BUB3: variants seen among roughly 807,000 people sequenced by gnomAD.
BUB3 encodes the protein BUB3 mitotic checkpoint protein.
BUB3 carries 22 observed loss-of-function variants against 39.9 expected under a neutral mutation model. That is an observed-to-expected ratio of 0.55 (90% confidence interval 0.39 to 0.79). The LOEUF (loss-of-function observed/expected upper bound fraction) is 0.79. Among genes scored for constraint, BUB3 ranks in the 30% least tolerant of loss-of-function variants. BUB3 has a pLI of 0.00. For synonymous variants in BUB3, 168 were observed against 155.1 expected (o/e 1.08, Z -0.62); for missense variants, 303 against 415.4 (o/e 0.73, Z 2.35).
In BUB3 at chr10:123,163,888, T is replaced by C; in HGVS notation, c.*53T>C. The C allele has an allele frequency of 6.5e-7, 1 of 1,545,724 alleles. No homozygotes were observed. The highest frequency in any genetic ancestry group is 8.8e-7 in the Non-Finnish European group (1 of 1,133,990). ...TTGATGATAATAAAACAATTCGTACTCCCCAATGGTGGATTTATTACTATT... is the reference window on the plus strand; with the variant it reads ...TTGATGATAATAAAACAATTCGTACCCCCCAATGGTGGATTTATTACTATT... On this transcript the variant is annotated 3_prime_UTR_variant, in exon 8 of 8. Coordinates refer to ENST00000368865, the MANE Select transcript of BUB3 (RefSeq NM_004725.4).
chr10:123,163,925 G>A lies in BUB3; in HGVS notation c.*90G>A. On this transcript the variant is annotated 3_prime_UTR_variant, in exon 8 of 8. Transcript: ENST00000368865. ...GATTTATTACTATTAAAGAAACCAGGGAAAATATTAATTTTAATATTATAA... is the reference window on the plus strand; with the variant it reads ...GATTTATTACTATTAAAGAAACCAGAGAAAATATTAATTTTAATATTATAA... 11 of 1,374,228 alleles carry A rather than the reference G, an allele frequency of 8.0e-6. No homozygotes were observed. Among genetic ancestry groups the A allele is most frequent in the South Asian group, 3.4e-5 (2 of 59,252 alleles). 85.1% of individuals were successfully genotyped at this position (1,374,228 alleles called of 1,614,324 possible).
At position 123,164,409 on chromosome 10, in the gene BUB3, T is replaced by A. The variant is rs1788517375; in HGVS notation, c.*574T>A. 13 of 985,668 alleles carry A rather than the reference T, an allele frequency of 1.3e-5. No homozygotes were observed. The highest frequency in any genetic ancestry group is 4.7e-5 in the South Asian group (1 of 21,298). The allele number at this position is 985,668 out of a possible 1,614,324, so 61.1% of individuals were successfully genotyped here. ...TTAGACTCTTGGGAATCAGCTAGTT[T>A]TCAATCTTATTAGGGTGCAGAAGGA... On this transcript the variant is annotated 3_prime_UTR_variant, in exon 8 of 8. Coordinates refer to ENST00000368865, the MANE Select transcript of BUB3 (RefSeq NM_004725.4).
chr10:123,158,590 T>G (rs1353367900), intron 4 of BUB3, among the ~76,000 whole-genome samples: 1 of 152,244 alleles, frequency 6.6e-6, no homozygotes, highest in Non-Finnish European at 1.5e-5. Flanking sequence ...TTCCTCAGCG[T>G]GAATATACTA....
At position 123,167,159 on chromosome 10, in the gene BUB3, C is replaced by T. The variant is rs1844503009; in HGVS notation, c.*3324C>T. The T allele has an allele frequency of 6.6e-6, 1 of 152,164 alleles. No homozygotes were observed. Among genetic ancestry groups the T allele is most frequent in the South Asian group, 2.1e-4 (1 of 4,832 alleles). 9.4% of individuals were successfully genotyped at this position (152,164 alleles called of 1,614,324 possible). A position where few individuals can be genotyped will look rare whatever the true frequency, so the allele number is the denominator to read the frequency against. On this transcript the variant is annotated 3_prime_UTR_variant, in exon 8 of 8. Transcript: ENST00000368865. ...GTTCCCACAATCATTTTACCTTTTA[C>T]CACTCCCCCAGAAAACACTGGGGTT...
At chr10:123,162,551 G>A (rs2133570440) in intron 6 of BUB3, 61 bp from the exon 7 acceptor site, 1 of 1,563,238 alleles carries the variant, frequency 6.4e-7, no homozygotes, top group South Asian at 1.2e-5. Flanking sequence ...ACTGTTAAGA[G>A]AATGGTTATT....
chr10:123,158,006 CAGTT>C (rs1844371845), intron 4 of BUB3, 126 bp downstream of exon 4: 7 of 1,077,420 alleles, frequency 6.5e-6, no homozygotes, highest in Admixed American at 3.4e-5. Context: ...AAAAGGTTGA[CAGTT>C]GGTTTTATAA....
In BUB3 at chr10:123,163,833, T is replaced by G; in HGVS notation, c.985T>G (p.Ter329GlyextTer41). The G allele has an allele frequency of 1.2e-6, 2 of 1,608,770 alleles. No homozygotes were observed. The highest frequency in any genetic ancestry group is 1.7e-6 in the Non-Finnish European group (2 of 1,175,898). Residue 329 changes from the stop codon to glycine, a stop_lost, in exon 8 of 8, where the codon TGA (stop) becomes GGA (glycine). Coordinates refer to ENST00000368865, the MANE Select transcript of BUB3 (RefSeq NM_004725.4). ...AETKPKSPCT[*>G] ...TTGAACTTGTAGGTCACCATGTACTTGACAAGATTTCATTTACTTAAGTGC... is the reference window on the plus strand; with the variant it reads ...TTGAACTTGTAGGTCACCATGTACTGGACAAGATTTCATTTACTTAAGTGC...
At chr10:123,160,230 A>C (rs1411821171) in intron 4 of BUB3, among the ~76,000 whole-genome samples, 177 bp from the exon 5 acceptor site, 1 of 152,218 alleles carries the variant, frequency 6.6e-6, no homozygotes, top group Non-Finnish European at 1.5e-5. Flanking sequence ...TGGGTTTGCT[A>C]TTTTATGTGA....
chr10:123,163,865 G>A lies in BUB3; in HGVS notation c.*30G>A, dbSNP rs1342993241. 1.3e-6 allele frequency: 2 copies of A among 1,596,222 alleles called. No homozygotes were observed. The highest frequency in any genetic ancestry group is 3.4e-5 in the Admixed American group (2 of 59,136). On this transcript the variant is annotated 3_prime_UTR_variant, in exon 8 of 8. Coordinates refer to ENST00000368865, the MANE Select transcript of BUB3 (RefSeq NM_004725.4). ...ATTTCATTTACTTAAGTGCCATGTT[G>A]ATGATAATAAAACAATTCGTACTCC...
intron 3 of BUB3, among the ~76,000 whole-genome samples, 170 bp from the exon 4 acceptor site, chr10:123,157,557 CTT>C (rs1044844329): frequency 1.3e-5 from 2 of 152,210 alleles, no homozygotes; most frequent in African/African-American, 2.4e-5. Context: ...GAACGGATAA[CTT>C]TGTAGTCATG....
At chr10:123,163,056 CTT>C (rs1193896973) in intron 7 of BUB3, 1 of 513,704 alleles carries the variant, frequency 1.9e-6, no homozygotes, top group African/African-American at 2.0e-5. Flanking sequence ...ATGTCAAACT[CTT>C]ATTCTTCTTG....
Position 123,165,451 on chromosome 10 carries a change from G to A in BUB3, c.*1616G>A. 1 of 167,578 alleles carries A rather than the reference G, an allele frequency of 6.0e-6. No individual in the cohort carries two copies. The highest frequency in any genetic ancestry group is 1.6e-4 in the East Asian group (1 of 6,106). The allele number at this position is 167,578 out of a possible 1,614,324, so 10.4% of individuals were successfully genotyped here. A position where few individuals can be genotyped will look rare whatever the true frequency, so the allele number is the denominator to read the frequency against. ...CAAAACTCGTCATCACAGGCATGTT[G>A]GGGGATGACATTTTACCTTTAAGTC... On this transcript the variant is annotated 3_prime_UTR_variant, in exon 8 of 8. Transcript: ENST00000368865.
intron 6 of BUB3, 79 bp downstream of exon 6, chr10:123,162,492 AT>A: frequency 6.4e-7 from 1 of 1,564,588 alleles, no homozygotes. Flanking sequence ...GTGAAAAAAA[AT>A]CTGTACAGTG....
chr10:123,158,002 TTGAC>T (rs1343349209), intron 4 of BUB3, 122 bp downstream of exon 4: 2 of 1,104,014 alleles, frequency 1.8e-6, no homozygotes, highest in African/African-American at 3.2e-5. Flanking sequence ...GGAAAAAAGG[TTGAC>T]AGTTGGTTTT....
chr10:123,155,170 A>G, intron 2 of BUB3, 58 bp downstream of exon 2: 2 of 1,556,118 alleles, frequency 1.3e-6, no homozygotes, highest in Non-Finnish European at 1.7e-6. Context: ...TCTCCACGTG[A>G]GGAGCGTTTC....
In BUB3 at chr10:123,164,218, C is replaced by T. The variant is rs1445395303; in HGVS notation, c.*383C>T. On this transcript the variant is annotated 3_prime_UTR_variant, in exon 8 of 8. Transcript: ENST00000368865. ...AATGGTAGAGGAAAAGGCTCGTGAG[C>T]CATTTGTTTCTTTTGCTGGTTATAG... 3 of 994,494 alleles carry T rather than the reference C, an allele frequency of 3.0e-6. No homozygotes were observed. The highest frequency in any genetic ancestry group is 5.1e-4 in the Middle Eastern group (1 of 1,950). The allele number at this position is 994,494 out of a possible 1,614,324, so 61.6% of individuals were successfully genotyped here.
At position 123,169,552 on chromosome 10, in the gene BUB3, T is replaced by A. The variant is rs1242164428; in HGVS notation, c.*5717T>A. 1 of 152,182 alleles carries A rather than the reference T, an allele frequency of 6.6e-6. No individual in the cohort carries two copies. Among genetic ancestry groups the A allele is most frequent in the East Asian group, 1.9e-4 (1 of 5,200 alleles). 9.4% of individuals were successfully genotyped at this position (152,182 alleles called of 1,614,324 possible). A position where few individuals can be genotyped will look rare whatever the true frequency, so the allele number is the denominator to read the frequency against. On this transcript the variant is annotated 3_prime_UTR_variant, in exon 8 of 8. Coordinates refer to ENST00000368865, the MANE Select transcript of BUB3 (RefSeq NM_004725.4). ...AGTTAAGTTTGGTGACTGCTTGAAG[T>A]CTAAGATCACCAAAGTGGCTAATGC... is the stretch of plus-strand genomic sequence containing the variant.
chr10:123,164,894 A>C lies in BUB3; in HGVS notation c.*1059A>C. 2 of 1,409,262 alleles carry C rather than the reference A, an allele frequency of 1.4e-6. No homozygotes were observed. The allele number at this position is 1,409,262 out of a possible 1,614,324, so 87.3% of individuals were successfully genotyped here. A position where few individuals can be genotyped will look rare whatever the true frequency, so the allele number is the denominator to read the frequency against. On this transcript the variant is annotated 3_prime_UTR_variant, in exon 8 of 8. Coordinates refer to ENST00000368865, the MANE Select transcript of BUB3 (RefSeq NM_004725.4). ...AATTTGCAAATGTATGTCTCTGAGT[A>C]GGACTTGGACCTTTCCTGAGATTTA... is the stretch of plus-strand genomic sequence containing the variant.
Position 123,160,423 on chromosome 10 carries a change from T to C in BUB3, c.434T>C (p.Val145Ala). The C allele has an allele frequency of 6.2e-7, 1 of 1,605,522 alleles. No homozygotes were observed. The highest frequency in any genetic ancestry group is 1.1e-5 in the South Asian group (1 of 89,542). Reference protein sequence around the residue: ...SQPEKVYTLSVSGDRLIVGTA... With the variant: ...SQPEKVYTLSASGDRLIVGTA... Reference sequence around the variant, plus strand: ...TTTTAAAAGGTATATACCCTCTCAGTGTCTGGAGACCGGCTGATTGTGGGA... The same window carrying C: ...TTTTAAAAGGTATATACCCTCTCAGCGTCTGGAGACCGGCTGATTGTGGGA... Residue 145 changes from valine (V) to alanine (A), a missense_variant, in exon 5 of 8, where the codon GTG (valine) becomes GCG (alanine). Around this residue, in one of 2 missense-constraint regions of BUB3, gnomAD observed 182 missense variants for 293.1 expected, o/e 0.62. Transcript: ENST00000368865.
Sources: gnomAD v4.1 joint callset for allele counts (sites outside exome capture counted in the v4.1 genomes callset) on GRCh38, gnomAD v4.1.1 for gene constraint, gnomAD v4.1.1 regional missense constraint, MANE v1.5 for transcripts, NCBI Gene and HGNC (gene_info 2026-07-23, HGNC 2026-07-21) for gene names.